The following KCNMB1 variants were observed in gnomAD, a reference collection of about 807,000 sequenced individuals.
KCNMB1 encodes calcium-activated potassium channel subunit beta-1.
Under a neutral mutation model 21.7 loss-of-function variants are expected in KCNMB1, and 22 were observed. The observed-to-expected ratio is 1.01, with a 90% CI of 0.72 to 1.45. KCNMB1 has a LOEUF of 1.45. Ranked by LOEUF, KCNMB1 falls within the 40% of genes most tolerant of loss-of-function variation. KCNMB1 has a pLI of 0.00. For synonymous variants in KCNMB1, 114 were observed against 107.6 expected (o/e 1.06, Z -0.37); for missense variants, 243 against 243.4 (o/e 1.00, Z 0.01).
At chr5:170,385,503 C>T (rs1051508706) in intron 1 of KCNMB1, 32 bp from the exon 2 acceptor site, 6 of 1,602,636 alleles carry the variant, frequency 3.7e-6, no homozygotes, top group Admixed American at 3.3e-5. Flanking sequence ...GAAGTGAGAT[C>T]AGCCCAGTTC....
At chr5:170,380,017 T>G (rs1321190633) in intron 3 of KCNMB1, among the ~76,000 whole-genome samples, 1 of 152,010 alleles carries the variant, frequency 6.6e-6, no homozygotes. Flanking sequence ...TTTCAACCTG[T>G]GTACAGCAAA....
intron 3 of KCNMB1, 152 bp downstream of exon 3, chr5:170,383,526 CA>C (rs1481900214): frequency 2.4e-6 from 2 of 831,436 alleles, no homozygotes; most frequent in African/African-American, 3.4e-5. Flanking sequence ...GACTCCAACA[CA>C]GAAGAGCTAG....
rs1764326793 is a variant in KCNMB1 at position 170,383,318 on chromosome 5, C to A, written c.306+361G>T. 6 of 548,818 alleles carry A rather than the reference C, an allele frequency of 1.1e-5. No individual in the cohort carries two copies. The South Asian group carries it at 1.2e-4, about 11-fold the overall frequency. 34.0% of individuals were successfully genotyped at this position (548,818 alleles called of 1,614,324 possible). A position where few individuals can be genotyped will look rare whatever the true frequency, so the allele number is the denominator to read the frequency against. On this transcript the variant is annotated intron_variant, in intron 3 of 3. Transcript: ENST00000274629. The stretch of plus-strand genomic sequence containing the variant: ...ATGAAAGTACTAACACTAATCACTG[C>A]TTTTGTTTGAGTGCCCACTATCCAC...
intron 3 of KCNMB1, among the ~76,000 whole-genome samples, chr5:170,380,572 A>T (rs770581779): frequency 6.6e-6 from 1 of 152,214 alleles, no homozygotes; most frequent in Non-Finnish European, 1.5e-5. Flanking sequence ...GGAAATGCAG[A>T]TGCTGCACTC....
chr5:170,385,202 G>T, intron 2 of KCNMB1, 112 bp downstream of exon 2: 2 of 1,172,870 alleles, frequency 1.7e-6, no homozygotes, highest in Non-Finnish European at 2.5e-6. Flanking sequence ...TCTTGACCCT[G>T]CTGCCTTGAA....
chr5:170,383,913 A>G (rs1764360933), intron 2 of KCNMB1, 63 bp from the exon 3 acceptor site: 2 of 1,538,386 alleles, frequency 1.3e-6, no homozygotes, highest in Non-Finnish European at 1.8e-6. Flanking sequence ...CAGAACACCC[A>G]TTTGAACCCA....
chr5:170,380,864 G>T (rs1581129386), intron 3 of KCNMB1, among the ~76,000 whole-genome samples: 1 of 152,232 alleles, frequency 6.6e-6, no homozygotes, highest in Non-Finnish European at 1.5e-5. Flanking sequence ...ACTGGGCCTT[G>T]TAAAATGGGT....
At position 170,384,865 on chromosome 5, in the gene KCNMB1, G is replaced by A. The variant is rs567678698; in HGVS notation, c.134+449C>T. Among the ~76,000 whole-genome samples the A allele has an allele frequency of 3.1e-3, 470 of 152,354 alleles. 1 individual carries two copies. Among genetic ancestry groups the A allele is most frequent in the African/African-American group, 0.01 (430 of 41,574 alleles). The stretch of plus-strand genomic sequence containing the variant: ...AGAAAACCTCAAACATGAAATGTAT[G>A]TTCAGTGAGGCAAGGAGCTCCCCGT... On this transcript the variant is annotated intron_variant, in intron 2 of 3. Transcript: ENST00000274629.
chr5:170,387,987 G>C (rs780386721), intron 1 of KCNMB1, among the ~76,000 whole-genome samples: 8 of 152,078 alleles, frequency 5.3e-5, no homozygotes, highest in Non-Finnish European at 7.3e-5. Context: ...GCACCTGTGG[G>C]GGCTTCCTGT....
chr5:170,385,569 A>T, intron 1 of KCNMB1, 98 bp from the exon 2 acceptor site: 1 of 1,092,976 alleles, frequency 9.1e-7, no homozygotes, highest in Non-Finnish European at 1.3e-6. Context: ...TCAACTATTA[A>T]TATCACTCTT....
intron 3 of KCNMB1, among the ~76,000 whole-genome samples, 157 bp from the exon 4 acceptor site, chr5:170,379,130 G>A (rs574180477): frequency 2.4e-4 from 37 of 152,200 alleles, no homozygotes; most frequent in Non-Finnish European, 4.6e-4. Context: ...CGCTGTACAG[G>A]TCTGGAGAGC....
rs1386750945 is a variant in KCNMB1, at chr5:170,376,745, C to G, written c.*1959G>C. On this transcript the variant is annotated 3_prime_UTR_variant, in exon 4 of 4. Coordinates refer to ENST00000274629, the MANE Select transcript of KCNMB1 (RefSeq NM_004137.4). The stretch of plus-strand genomic sequence containing the variant: ...CATAATATTCCATGACGTATACGTA[C>G]CACATTTTCTTTAATAATGGGTACT... 6.6e-6 allele frequency: 1 copy of G among 152,082 alleles called. No individual in the cohort carries two copies. Among genetic ancestry groups the G allele is most frequent in the Admixed American group, 6.5e-5 (1 of 15,270 alleles). 9.4% of individuals were successfully genotyped at this position (152,082 alleles called of 1,614,324 possible).
intron 3 of KCNMB1, chr5:170,382,542 C>T (rs1189187178): frequency 6.6e-6 from 1 of 152,332 alleles, no homozygotes; most frequent in Non-Finnish European, 1.5e-5. Context: ...CCACCTAGCC[C>T]TTCCCTCCGC....
intron 3 of KCNMB1, among the ~76,000 whole-genome samples, chr5:170,379,785 CA>C (rs1363148189): frequency 6.6e-6 from 1 of 151,886 alleles, no homozygotes; most frequent in East Asian, 1.9e-4. Flanking sequence ...TTTATCTCTA[CA>C]AAAAAAGTTA....
rs1347278295 is a variant in KCNMB1 at position 170,376,918 on chromosome 5, A to G, written c.*1786T>C. 1.3e-5 allele frequency: 2 copies of G among 152,228 alleles called. No homozygotes were observed. The highest frequency in any genetic ancestry group is 4.8e-5 in the African/African-American group (2 of 41,468). 9.4% of individuals were successfully genotyped at this position (152,228 alleles called of 1,614,324 possible). A position where few individuals can be genotyped will look rare whatever the true frequency, so the allele number is the denominator to read the frequency against. On this transcript the variant is annotated 3_prime_UTR_variant, in exon 4 of 4. Transcript: ENST00000274629. Reference sequence around the variant, plus strand: ...ACACAAAACAAACAAAAAAAACTATAGTTGCCATTTTAAACACCTATGATG... The same window carrying G: ...ACACAAAACAAACAAAAAAAACTATGGTTGCCATTTTAAACACCTATGATG...
At position 170,378,438 on chromosome 5, in the gene KCNMB1, G is replaced by A. The variant is rs1035668575; in HGVS notation, c.*266C>T. On this transcript the variant is annotated 3_prime_UTR_variant, in exon 4 of 4. Transcript: ENST00000274629. ...TGCAGCCGGAAACAGGTATGAGTCA[G>A]TTGAGTGGGGACAGGTAATAGAGAG... is the stretch of plus-strand genomic sequence containing the variant. 6.8e-6 allele frequency: 3 copies of A among 443,796 alleles called. No individual in the cohort carries two copies. In the East Asian group the frequency reaches 1.1e-4, roughly 16 times the overall value. 27.5% of individuals were successfully genotyped at this position (443,796 alleles called of 1,614,324 possible). A position where few individuals can be genotyped will look rare whatever the true frequency, so the allele number is the denominator to read the frequency against.
At chr5:170,379,997 A>G (rs1764177172) in intron 3 of KCNMB1, among the ~76,000 whole-genome samples, 1 of 152,024 alleles carries the variant, frequency 6.6e-6, no homozygotes. Context: ...AAAATTGAAA[A>G]CCTTTGCAGT....
In KCNMB1 at chr5:170,378,497, T is replaced by G; in HGVS notation, c.*207A>C. The G allele has an allele frequency of 6.6e-6, 4 of 602,146 alleles. No homozygotes were observed. Among genetic ancestry groups the G allele is most frequent in the Non-Finnish European group, 8.6e-6 (3 of 349,956 alleles). The allele number at this position is 602,146 out of a possible 1,614,324, so 37.3% of individuals were successfully genotyped here. On this transcript the variant is annotated 3_prime_UTR_variant, in exon 4 of 4. Coordinates refer to ENST00000274629, the MANE Select transcript of KCNMB1 (RefSeq NM_004137.4). ...GGCTGGCCTTATGGCCTCCAAGGCATTGGGGAGCCACTGTACATTCTTGAG... is the reference window on the plus strand; with the variant it reads ...GGCTGGCCTTATGGCCTCCAAGGCAGTGGGGAGCCACTGTACATTCTTGAG...
rs552414385 is a variant in KCNMB1 at position 170,377,966 on chromosome 5, G to C, written c.*738C>G. 3.3e-5 allele frequency: 5 copies of C among 151,856 alleles called. No individual in the cohort carries two copies. The highest frequency in any genetic ancestry group is 3.3e-4 in the Admixed American group (5 of 15,254). 9.4% of individuals were successfully genotyped at this position (151,856 alleles called of 1,614,324 possible). On this transcript the variant is annotated 3_prime_UTR_variant, in exon 4 of 4. Transcript: ENST00000274629. Reference sequence around the variant, plus strand: ...CCCACTTCCATCTTTTTCTGTGAGGGGGACACACTCTTTCAACTTTTCCAA... The same window carrying C: ...CCCACTTCCATCTTTTTCTGTGAGGCGGACACACTCTTTCAACTTTTCCAA...
Sources: allele counts gnomAD v4.1 joint callset (sites outside exome capture counted in the v4.1 genomes callset), GRCh38; gene constraint gnomAD v4.1.1; transcripts MANE v1.5; gene names NCBI Gene and HGNC (gene_info 2026-07-23, HGNC 2026-07-21).